Variants in CLN6 observed in about 807,000 individuals in gnomAD.
CLN6 encodes CLN6 transmembrane ER protein, also known as ceroid-lipofuscinosis neuronal protein 6.
A neutral mutation model predicts 33.3 loss-of-function variants in CLN6; 22 were observed. The ratio of observed to expected loss-of-function variants is 0.66; its 90% CI spans 0.47 to 0.94. The LOEUF (loss-of-function observed/expected upper bound fraction) is 0.94, where lower values mean the gene tolerates loss of function less well. Ranked by LOEUF, CLN6 falls within the 40% of genes least tolerant of loss-of-function variation. The probability of loss-of-function intolerance (pLI) is 0.00; values close to 1 mark genes in which losing one functional copy is unlikely to be tolerated. For synonymous variants in CLN6, 201 were observed against 174.6 expected (o/e 1.15, Z -1.19); for missense variants, 387 against 417.1 (o/e 0.93, Z 0.63).
rs1441524406 is a variant in CLN6, at chr15:68,242,146, G to C, written c.179+14544C>G. On this transcript the variant is annotated intron_variant, in intron 1 of 6. Coordinates refer to the CLN6 transcript ENST00000538696. This position sits in a 1 kb window ranked among gnomAD's most constrained non-coding sequence, Gnocchi z 5.0. Reference sequence around the variant, plus strand: ...GGCAATATGTGAGCTCTCTGACCAAGAATTCAAAATAGCAGTTTTAAGGAA... The same window carrying C: ...GGCAATATGTGAGCTCTCTGACCAACAATTCAAAATAGCAGTTTTAAGGAA... Among the ~76,000 whole-genome samples, 1 of 152,068 alleles carries C rather than the reference G, an allele frequency of 6.6e-6. No individual in the cohort carries two copies. The highest frequency in any genetic ancestry group is 2.4e-5 in the African/African-American group (1 of 41,402).
chr15:68,255,972 AC>A (rs1892430585), intron 1 of CLN6, among the ~76,000 whole-genome samples: 1 of 147,382 alleles, frequency 6.8e-6, no homozygotes, highest in Non-Finnish European at 1.5e-5. Flanking sequence ...TAATTTTTGT[AC>A]AGACAGGGTC....
rs1213280704 is a variant in CLN6 at position 68,220,281 on chromosome 15, C to T, written c.84-1631G>A. Among the ~76,000 whole-genome samples, 1 of 152,236 alleles carries T rather than the reference C, an allele frequency of 6.6e-6. No homozygotes were observed. The highest frequency in any genetic ancestry group is 1.5e-5 in the Non-Finnish European group (1 of 68,052). On this transcript the variant is annotated intron_variant, in intron 1 of 6. Transcript: ENST00000249806. This position sits in a 1 kb window ranked among gnomAD's most constrained non-coding sequence, Gnocchi z 4.2. ...TGCTAGGTCTTTACCTGCACTATCT[C>T]ATCTAATCCACGCATCTGCTTTACA...
At position 68,229,690 on chromosome 15, in the gene CLN6, G is replaced by C; in HGVS notation, c.-106C>G. ...AAATTCCCAGCGCGGGGCGGTTCGG[G>C]GCGGGCCGGCGAGAGCGCGCGGCCC... On this transcript the variant is annotated 5_prime_UTR_variant, in exon 1 of 7. Transcript: ENST00000249806. 1 of 917,464 alleles carries C rather than the reference G, an allele frequency of 1.1e-6. No individual in the cohort carries two copies. The highest frequency in any genetic ancestry group is 1.5e-6 in the Non-Finnish European group (1 of 684,456). 56.8% of individuals were successfully genotyped at this position (917,464 alleles called of 1,614,324 possible).
Position 68,256,809 on chromosome 15 carries a change from C to T in CLN6, c.60G>A (p.Leu20=), listed in dbSNP as rs964078279. ...CTCCCTCCCTCCTAGGGATGGCTCC[C>T]AGTGTCTCTGGCCGGGGCCTGCCTC... Residue 20 remains leucine, a synonymous_variant, in exon 1 of 7, where the codon CTG becomes CTA. Transcript: ENST00000538696. The surrounding 1 kb of genome is among the most constrained non-coding windows in gnomAD (Gnocchi z 4.1). 12 of 702,028 alleles carry T rather than the reference C, an allele frequency of 1.7e-5. No homozygotes were observed. The highest frequency in any genetic ancestry group is 3.1e-5 in the Non-Finnish European group (12 of 384,690). 43.5% of individuals were successfully genotyped at this position (702,028 alleles called of 1,614,324 possible).
At position 68,236,915 on chromosome 15, in the gene CLN6, T is replaced by C. The variant is rs1353692396; in HGVS notation, c.180-18265A>G. 6.6e-6 allele frequency among the ~76,000 whole-genome samples: 1 copy of C among 150,718 alleles called. No individual in the cohort carries two copies. Among genetic ancestry groups the C allele is most frequent in the Non-Finnish European group, 1.5e-5 (1 of 67,672 alleles). On this transcript the variant is annotated intron_variant, in intron 1 of 6. Transcript: ENST00000538696. The surrounding 1 kb of genome is among the most constrained non-coding windows in gnomAD (Gnocchi z 4.5). ...GCTCACGCCTGTAATCCCAGCACTT[T>C]GGGAGGCCGAGGCGGGTGGATCATG...
upstream of CLN6, among the ~76,000 whole-genome samples, chr15:68,234,107 C>A (rs571608340): frequency 6.6e-6 from 1 of 152,296 alleles, no homozygotes; most frequent in South Asian, 2.1e-4. The surrounding 1 kb of genome is among the most constrained non-coding windows in gnomAD (Gnocchi z 4.1). Flanking sequence ...GCAGTTGGGC[C>A]TCAGGAACTG....
At position 68,228,602 on chromosome 15, in the gene CLN6, C is replaced by G. The variant is rs577445585; in HGVS notation, c.83+900G>C. ...CTCCAGCACCACTAAACTCCTTGCCCTTCCCCACTGTTTCCCTGGATGGAA... is the reference window on the plus strand; with the variant it reads ...CTCCAGCACCACTAAACTCCTTGCCGTTCCCCACTGTTTCCCTGGATGGAA... On this transcript the variant is annotated intron_variant, in intron 1 of 6. Transcript: ENST00000249806. This position sits in a 1 kb window ranked among gnomAD's most constrained non-coding sequence, Gnocchi z 4.4. Among the ~76,000 whole-genome samples, 1 of 152,284 alleles carries G rather than the reference C, an allele frequency of 6.6e-6. No individual in the cohort carries two copies. Among genetic ancestry groups the G allele is most frequent in the South Asian group, 2.1e-4 (1 of 4,818 alleles).
At chr15:68,224,011 A>G (rs1189611830) in intron 1 of CLN6, among the ~76,000 whole-genome samples, 1 of 151,922 alleles carries the variant, frequency 6.6e-6, no homozygotes, top group Non-Finnish European at 1.5e-5. Flanking sequence ...ACGCCATTGC[A>G]CTCCAGCCTG....
intron 1 of CLN6, among the ~76,000 whole-genome samples, chr15:68,252,816 C>G (rs1892393824): frequency 6.6e-6 from 1 of 152,134 alleles, no homozygotes; most frequent in South Asian, 2.1e-4. Flanking sequence ...AAAGCTCAAA[C>G]AAGTAAACTA....
rs2141138914 is a variant in CLN6 at position 68,211,405 on chromosome 15, C to T, written c.487-87G>A. The T allele has an allele frequency of 1.3e-6, 2 of 1,549,044 alleles. No individual in the cohort carries two copies. On this transcript the variant is annotated intron_variant, in intron 4 of 6. Coordinates refer to ENST00000249806, the MANE Select transcript of CLN6 (RefSeq NM_017882.3). This position sits in a 1 kb window ranked among gnomAD's most constrained non-coding sequence, Gnocchi z 5.9. ...GGGCCCCAAGCATCCCCTCTGACCA[C>T]CCTTCTCCCAGTCCCAGGCCTCCCC...
rs1195840845 is a variant in CLN6 at position 68,208,313 on chromosome 15, G to A, written c.763C>T (p.Leu255=). 1.9e-6 allele frequency: 3 copies of A among 1,614,066 alleles called. No homozygotes were observed. The Admixed American group carries it at 5.0e-5, about 27-fold the overall frequency. The change falls in exon 7 of 7, where the codon CTG becomes TTG. Residue 255 remains leucine (L), a synonymous_variant. Coordinates refer to ENST00000249806, the MANE Select transcript of CLN6 (RefSeq NM_017882.3). The surrounding 1 kb of genome is among the most constrained non-coding windows in gnomAD (Gnocchi z 5.8). ...AAGAGGAAGAGGCCGTTGCTGTCCA[G>A]GAAGAGGCGCTTGCGCTTCTGGTGC... ...VLHQKRKRLF[L]DSNGLFLFSS... is the part of the protein sequence containing the mutation.
Position 68,219,984 on chromosome 15 carries a change from G to A in CLN6, c.84-1334C>T, listed in dbSNP as rs988601023. 6.6e-6 allele frequency among the ~76,000 whole-genome samples: 1 copy of A among 152,188 alleles called. No homozygotes were observed. The highest frequency in any genetic ancestry group is 1.9e-4 in the East Asian group (1 of 5,188). The stretch of plus-strand genomic sequence containing the variant: ...ACGACCAGTTACTCCTTTTGTAGTG[G>A]CAAACATTAGCTTAGAGGCACTGCA... On this transcript the variant is annotated intron_variant, in intron 1 of 6. Coordinates refer to ENST00000249806, the MANE Select transcript of CLN6 (RefSeq NM_017882.3). This position sits in a 1 kb window ranked among gnomAD's most constrained non-coding sequence, Gnocchi z 4.2.
At chr15:68,222,641 T>C (rs1389486906) in intron 1 of CLN6, among the ~76,000 whole-genome samples, 6 of 152,120 alleles carry the variant, frequency 3.9e-5, no homozygotes, top group Non-Finnish European at 8.8e-5. Flanking sequence ...ACAGCGACCA[T>C]TGAGAATGGG....
rs1225040460 is a variant in CLN6 at position 68,220,074 on chromosome 15, C to T, written c.84-1424G>A. ...TTTCTGAGATCCCTTCCTGCCAGTT[C>T]CAAGGATGATCCATACTGGCTGGTA... is the stretch of plus-strand genomic sequence containing the variant. On this transcript the variant is annotated intron_variant, in intron 1 of 6. Coordinates refer to ENST00000249806, the MANE Select transcript of CLN6 (RefSeq NM_017882.3). The surrounding 1 kb of genome is among the most constrained non-coding windows in gnomAD (Gnocchi z 4.2). Among the ~76,000 whole-genome samples the T allele has an allele frequency of 6.6e-6, 1 of 152,178 alleles. No individual in the cohort carries two copies. The highest frequency in any genetic ancestry group is 1.5e-5 in the Non-Finnish European group (1 of 68,028).
intron 3 of CLN6, chr15:68,212,359 G>C (rs2093208618): frequency 6.0e-6 from 1 of 166,866 alleles, no homozygotes; most frequent in Non-Finnish European, 1.3e-5. Flanking sequence ...GGAGTTCTGG[G>C]ATTATACCCC....
chr15:68,214,113 C>T (rs1050897883), intron 3 of CLN6, 177 bp downstream of exon 3: 24 of 600,274 alleles, frequency 4.0e-5, no homozygotes, highest in African/African-American at 9.3e-5. Flanking sequence ...TCCAGGCCAC[C>T]GGCAGCTCCG....
At chr15:68,231,264 C>G (rs921148070), upstream of CLN6, among the ~76,000 whole-genome samples, 1 of 152,180 alleles carries the variant, frequency 6.6e-6, no homozygotes, top group African/African-American at 2.4e-5. Context: ...TCAATCCCCC[C>G]CCTCCGCCCC....
intron 1 of CLN6, among the ~76,000 whole-genome samples, chr15:68,252,837 TGTTTA>T (rs1892393998): frequency 6.6e-6 from 1 of 152,216 alleles, no homozygotes; most frequent in Non-Finnish European, 1.5e-5. Context: ...AACAATATCT[TGTTTA>T]GTTATATCTA....
At chr15:68,222,142 C>CAT (rs1441271121) in intron 1 of CLN6, among the ~76,000 whole-genome samples, 9 of 140,128 alleles carry the variant, frequency 6.4e-5, no homozygotes, top group Admixed American at 1.4e-4. Context: ...CCCGGCCGCC[C>CAT]CGTCTGGGAG....
Sources: gnomAD v4.1 joint callset for allele counts (sites outside exome capture counted in the v4.1 genomes callset) on GRCh38, gnomAD v4.1.1 for gene constraint, Gnocchi (gnomAD v3.1) non-coding constraint, MANE v1.5 for transcripts, NCBI Gene and HGNC (gene_info 2026-07-23, HGNC 2026-07-21) for gene names.